Variants in NRG4 observed in about 807,000 individuals in gnomAD.
NRG4 encodes pro-neuregulin-4, membrane-bound isoform.
In NRG4, 10 loss-of-function variants were observed where a neutral mutation model predicts 15.0. The observed-to-expected ratio is 0.67, with a 90% CI of 0.41 to 1.13. The LOEUF is 1.13. Among genes scored for constraint, NRG4 ranks in the 50% most tolerant of loss-of-function variants. The pLI, the probability that NRG4 is intolerant of heterozygous loss-of-function variation, is 0.00. For missense variants in NRG4, 139 were observed against 140.2 expected, an observed-to-expected ratio of 0.99 and a Z score of 0.04; for synonymous variants, 41 against 50.1, an observed-to-expected ratio of 0.82 and a Z score of 0.77.
chr15:75,985,282 C>T (rs1183884846), intron 3 of NRG4, among the ~76,000 whole-genome samples: 1 of 152,122 alleles, frequency 6.6e-6, no homozygotes, highest in Non-Finnish European at 1.5e-5. Flanking sequence ...AAAGCAAAAA[C>T]TACAAAGGGA....
intron 3 of NRG4, among the ~76,000 whole-genome samples, chr15:75,991,759 A>AATT (rs2034026737): frequency 6.6e-6 from 1 of 152,044 alleles, no homozygotes; most frequent in African/African-American, 2.4e-5. Context: ...TATTAGGTAC[A>AATT]TATATGTACC....
rs118020966 is a variant in NRG4 at position 75,980,115 on chromosome 15, A to G, written c.105-18141T>C. Reference sequence around the variant, plus strand: ...AGCATGTTCAAAATACATATATGAGAAAGAATTTGGCTTAAAAAGGTCTAC... The same window carrying G: ...AGCATGTTCAAAATACATATATGAGGAAGAATTTGGCTTAAAAAGGTCTAC... On this transcript the variant is annotated intron_variant, in intron 3 of 5. Transcript: ENST00000394907. Among the ~76,000 whole-genome samples, 168 of 152,322 alleles carry G rather than the reference A, an allele frequency of 1.1e-3. No homozygotes were observed. In the East Asian group the frequency reaches 0.025, roughly 23 times the overall value.
At chr15:76,048,285 A>G (rs928025545) in intron 4 of NRG4, among the ~76,000 whole-genome samples, 1 of 150,552 alleles carries the variant, frequency 6.6e-6, no homozygotes, top group Non-Finnish European at 1.5e-5. Flanking sequence ...TAGCGTGGCC[A>G]ATGTGGTAAA....
intron 3 of NRG4, among the ~76,000 whole-genome samples, chr15:75,972,535 T>A (rs886625456): frequency 6.6e-6 from 1 of 152,148 alleles, no homozygotes; most frequent in African/African-American, 2.4e-5. Flanking sequence ...TCATCTTGAG[T>A]TAATTTTTGT....
intron 5 of NRG4, among the ~76,000 whole-genome samples, chr15:76,033,705 A>G: frequency 6.6e-6 from 1 of 152,072 alleles, no homozygotes; most frequent in Non-Finnish European, 1.5e-5. Flanking sequence ...AACTTTTTGT[A>G]CTCATTTTTA....
chr15:75,948,599 GC>G (rs2031683252), intron 5 of NRG4, among the ~76,000 whole-genome samples: 1 of 144,334 alleles, frequency 6.9e-6, no homozygotes, highest in African/African-American at 2.5e-5. Context: ...GCGCCGCCCG[GC>G]CCTAGTTAAT....
rs548091186 is a variant in NRG4 at position 75,956,017 on chromosome 15, A to C, written c.252-6T>G. ...CTCTCTGAAAGTGGCCTTTCCTGAC[A>C]ATAAAGAGGAGAGAAACACAAAAAT... On this transcript the variant is annotated splice_region_variant and splice_polypyrimidine_tract_variant and intron_variant, in intron 4 of 5. Transcript: ENST00000394907. 7 of 1,566,788 alleles carry C rather than the reference A, an allele frequency of 4.5e-6. No homozygotes were observed. In the East Asian group the frequency reaches 1.1e-4, roughly 25 times the overall value.
chr15:75,994,156 A>G (rs978076056), intron 3 of NRG4, among the ~76,000 whole-genome samples: 6 of 152,180 alleles, frequency 3.9e-5, no homozygotes, highest in African/African-American at 7.2e-5. Flanking sequence ...TATTAGGATA[A>G]TTTGGCTTAA....
chr15:75,988,964 C>A (rs1232404034), intron 3 of NRG4, among the ~76,000 whole-genome samples: 2 of 149,388 alleles, frequency 1.3e-5, no homozygotes, highest in African/African-American at 4.9e-5. Context: ...CTCAAGTGAT[C>A]CTCCCATCTC....
intron 5 of NRG4, among the ~76,000 whole-genome samples, chr15:76,024,724 C>A (rs1038010137): frequency 2.0e-5 from 3 of 152,198 alleles, no homozygotes; most frequent in African/African-American, 7.2e-5. Context: ...ACCACCACTG[C>A]CAAACTCTCT....
At chr15:75,951,685 G>A (rs2031912704) in intron 5 of NRG4, among the ~76,000 whole-genome samples, 1 of 152,100 alleles carries the variant, frequency 6.6e-6, no homozygotes, top group Non-Finnish European at 1.5e-5. Flanking sequence ...CGTACTGCTT[G>A]ACATTCAGCA....
rs538204547 is a variant in NRG4 at position 76,044,308 on chromosome 15, A to G, written c.-105+7759T>C. On this transcript the variant is annotated intron_variant, in intron 4 of 8. Transcript: ENST00000563910. Reference sequence around the variant, plus strand: ...TGAGCCACCGCGCCCGGCCACATGAACTCATTTTTGACAAAGGTGCCAAGA... The same window carrying G: ...TGAGCCACCGCGCCCGGCCACATGAGCTCATTTTTGACAAAGGTGCCAAGA... Among the ~76,000 whole-genome samples, 3 of 150,598 alleles carry G rather than the reference A, an allele frequency of 2.0e-5. No homozygotes were observed. The East Asian group carries it at 5.9e-4, about 29-fold the overall frequency.
At chr15:75,945,881 A>AT (rs1475540540) in intron 5 of NRG4, 1 of 152,106 alleles carries the variant, frequency 6.6e-6, no homozygotes, top group African/African-American at 2.4e-5. Flanking sequence ...TAAATATACT[A>AT]TTTTTCCTGT....
intron 3 of NRG4, 94 bp from the exon 4 acceptor site, chr15:75,962,068 G>C: frequency 1.1e-6 from 1 of 881,170 alleles, no homozygotes; most frequent in Non-Finnish European, 1.7e-6. Flanking sequence ...AAGAAAAAAG[G>C]AGACTAATTT....
intron 4 of NRG4, among the ~76,000 whole-genome samples, chr15:75,958,343 CATACTT>C (rs2032348744): frequency 6.6e-6 from 1 of 152,142 alleles, no homozygotes; most frequent in Admixed American, 6.5e-5. Context: ...ACATATTAAA[CATACTT>C]ATTTTATATC....
At chr15:75,989,302 T>C (rs1255039041) in intron 3 of NRG4, among the ~76,000 whole-genome samples, 3 of 152,100 alleles carry the variant, frequency 2.0e-5, no homozygotes, top group Non-Finnish European at 4.4e-5. Flanking sequence ...TTCAGTTTAC[T>C]TTTGCTGATG....
intron 3 of NRG4, among the ~76,000 whole-genome samples, chr15:76,007,556 A>C (rs983279565): frequency 1.3e-5 from 2 of 151,020 alleles, no homozygotes; most frequent in African/African-American, 4.9e-5. Flanking sequence ...CAGCCTCCCG[A>C]GTAGCTGGGA....
intron 3 of NRG4, among the ~76,000 whole-genome samples, chr15:75,963,207 T>C (rs150422012): frequency 1.3e-5 from 2 of 152,256 alleles, no homozygotes; most frequent in East Asian, 3.9e-4. Flanking sequence ...GAGGCAGTGA[T>C]GTGATTGGTG....
rs373496746 is a variant in NRG4, at chr15:76,025,236, G to A, written c.-57+10708C>T. On this transcript the variant is annotated intron_variant, in intron 5 of 8. Transcript: ENST00000563910. ...AGGTGGATCGCGAGGTCAGGAGATC[G>A]AGACCATCCTGGCTAACACGGTGAA... Among the ~76,000 whole-genome samples, 31 of 151,688 alleles carry A rather than the reference G, an allele frequency of 2.0e-4. No individual in the cohort carries two copies. The East Asian group carries it at 5.5e-3, about 27-fold the overall frequency.
Sources: allele counts gnomAD v4.1 joint callset (sites outside exome capture counted in the v4.1 genomes callset), GRCh38; gene constraint gnomAD v4.1.1; transcripts MANE v1.5; gene names NCBI Gene and HGNC (gene_info 2026-07-23, HGNC 2026-07-21).